UAP1: variants seen among roughly 807,000 people sequenced by gnomAD.
UAP1 encodes UDP-N-acetylhexosamine pyrophosphorylase.
Under a neutral mutation model 58.5 loss-of-function variants are expected in UAP1, and 25 were observed. The observed-to-expected ratio is 0.43, with a 90% CI of 0.31 to 0.60. The LOEUF (loss-of-function observed/expected upper bound fraction) is 0.60. Among genes scored for constraint, UAP1 ranks in the 20% least tolerant of loss-of-function variants. The pLI is 0.11. For synonymous variants in UAP1, 208 were observed against 213.0 expected (o/e 0.98, Z 0.21); for missense variants, 575 against 630.0 (o/e 0.91, Z 0.93).
At chr1:162,599,494 C>A (rs1047430680) in exon 11 of UAP1, 1 of 546,026 alleles carries the variant, frequency 1.8e-6, no homozygotes, top group Admixed American at 3.5e-5. Flanking sequence ...TTGTTGAACT[C>A]TTAGAGCTAT....
intron 9 of UAP1, among the ~76,000 whole-genome samples, chr1:162,596,468 C>T (rs1655626944): frequency 6.6e-6 from 1 of 152,206 alleles, no homozygotes; most frequent in African/African-American, 2.4e-5. Context: ...AGCCACTGCA[C>T]CCAGCCACAT....
At chr1:162,591,094 T>G (rs1655282165) in intron 8 of UAP1, among the ~76,000 whole-genome samples, 1 of 152,004 alleles carries the variant, frequency 6.6e-6, no homozygotes, top group Non-Finnish European at 1.5e-5. Flanking sequence ...ACCCAGCTAA[T>G]TTTTATATTT....
chr1:162,599,202 A>T (rs1481935166), intron 10 of UAP1, 69 bp from the exon 11 acceptor site: 2 of 951,870 alleles, frequency 2.1e-6, no homozygotes, highest in East Asian at 5.1e-5. Context: ...AATCATCATT[A>T]TAGCAAGTCC....
chr1:162,583,581 C>T (rs1394661161), intron 5 of UAP1, among the ~76,000 whole-genome samples: 1 of 152,048 alleles, frequency 6.6e-6, no homozygotes, highest in African/African-American at 2.4e-5. Context: ...CTGGTCAACC[C>T]CTTTGATCTC....
chr1:162,576,692 A>T, intron 2 of UAP1, 85 bp from the exon 3 acceptor site: 4 of 1,280,408 alleles, frequency 3.1e-6, no homozygotes, highest in Admixed American at 2.0e-5. Context: ...TTCCTTTTTG[A>T]TGAGTCTTTG....
At chr1:162,586,677 TG>T (rs1654923883) in intron 5 of UAP1, among the ~76,000 whole-genome samples, 1 of 152,194 alleles carries the variant, frequency 6.6e-6, no homozygotes, top group South Asian at 2.1e-4. Context: ...GTGGGATTAG[TG>T]TGGTGGCATA....
chr1:162,572,547 G>T (rs1389502426), intron 2 of UAP1, among the ~76,000 whole-genome samples: 2 of 152,188 alleles, frequency 1.3e-5, no homozygotes, highest in African/African-American at 4.8e-5. Flanking sequence ...CAGGAAGAAG[G>T]TTGGCACCAT....
At chr1:162,600,268 G>A (rs1195540799), downstream of UAP1, among the ~76,000 whole-genome samples, 2 of 152,114 alleles carry the variant, frequency 1.3e-5, no homozygotes, top group Non-Finnish European at 2.9e-5. Flanking sequence ...CAAATATTTG[G>A]TGGCACTTAG....
chr1:162,574,355 A>C (rs1654048801), intron 2 of UAP1, among the ~76,000 whole-genome samples: 3 of 152,060 alleles, frequency 2.0e-5, no homozygotes, highest in African/African-American at 7.2e-5. Flanking sequence ...GGCCTTCCAA[A>C]GTGTTGAGAT....
At chr1:162,579,801 T>C (rs1654470806) in intron 4 of UAP1, among the ~76,000 whole-genome samples, 198 bp downstream of exon 4, 1 of 152,230 alleles carries the variant, frequency 6.6e-6, no homozygotes, top group Non-Finnish European at 1.5e-5. Context: ...TGTGGGTGTC[T>C]GCTCTATGGA....
chr1:162,591,114 A>T (rs1350495987), intron 8 of UAP1, among the ~76,000 whole-genome samples: 1 of 152,026 alleles, frequency 6.6e-6, no homozygotes, highest in East Asian at 1.9e-4. Flanking sequence ...TTTAGTAGAG[A>T]TGGGCTTTCA....
intron 1 of UAP1, among the ~76,000 whole-genome samples, chr1:162,564,369 A>C (rs774977199): frequency 3.3e-5 from 5 of 152,210 alleles, no homozygotes; most frequent in African/African-American, 4.8e-5. Context: ...CTTAGCCTAG[A>C]ATTGTGCTCT....
At chr1:162,597,722 GT>G in intron 9 of UAP1, 69 bp from the exon 10 acceptor site, 1 of 1,312,120 alleles carries the variant, frequency 7.6e-7, no homozygotes, top group Non-Finnish European at 1.1e-6. Context: ...GAAAGTTATG[GT>G]TTGTACTTTT....
At chr1:162,578,297 A>G (rs1571069744) in intron 3 of UAP1, among the ~76,000 whole-genome samples, 2 of 152,336 alleles carry the variant, frequency 1.3e-5, no homozygotes, top group South Asian at 2.1e-4. Flanking sequence ...ACCCCAAGTC[A>G]GCAGGTGCCC....
chr1:162,600,537 G>T (rs544435266), downstream of UAP1, among the ~76,000 whole-genome samples: 3 of 151,990 alleles, frequency 2.0e-5, no homozygotes, highest in African/African-American at 7.2e-5. Flanking sequence ...CTGGATAAAT[G>T]ATTCTAAAAA....
intron 6 of UAP1, 178 bp downstream of exon 6, chr1:162,587,846 A>AGGTGGGAATCATCGGGGC: frequency 3.2e-6 from 2 of 629,464 alleles, no homozygotes; most frequent in Non-Finnish European, 5.1e-6. Flanking sequence ...ATGTATTGTA[A>AGGTGGGAATCATCGGGGC]GGTGGGAATC....
chr1:162,589,142 T>TTATATAA (rs1248282342), intron 7 of UAP1, among the ~76,000 whole-genome samples: 1 of 102,308 alleles, frequency 9.8e-6, no homozygotes, highest in African/African-American at 4.1e-5. Context: ...ATTTATATAT[T>TTATATAA]TATATAATAT....
At chr1:162,576,307 G>T (rs953050944) in intron 2 of UAP1, among the ~76,000 whole-genome samples, 3 of 150,866 alleles carry the variant, frequency 2.0e-5, no homozygotes, top group African/African-American at 7.3e-5. Context: ...TCTTTTTTTT[G>T]ACTTGCCACA....
chr1:162,578,318 G>A (rs997662252), intron 3 of UAP1, among the ~76,000 whole-genome samples: 11 of 152,168 alleles, frequency 7.2e-5, no homozygotes, highest in African/African-American at 2.2e-4. Context: ...TCAGGACAAG[G>A]CAGCTGTATA....
Sources: gnomAD v4.1 joint callset for allele counts (sites outside exome capture counted in the v4.1 genomes callset) on GRCh38, gnomAD v4.1.1 for gene constraint, MANE v1.5 for transcripts, NCBI Gene and HGNC (gene_info 2026-07-23, HGNC 2026-07-21) for gene names.